The following TFDP2 variants were observed in gnomAD, a reference collection of about 807,000 sequenced individuals.
TFDP2 encodes the protein transcription factor Dp-2 (E2F dimerization partner 2).
A neutral mutation model predicts 59.3 loss-of-function variants in TFDP2; 17 were observed. The ratio of observed to expected loss-of-function variants is 0.29; its 90% CI spans 0.20 to 0.43. The LOEUF (loss-of-function observed/expected upper bound fraction) is 0.43, where lower values mean the gene tolerates loss of function less well. TFDP2 is among the 20% of genes least tolerant of loss of function. TFDP2 has a pLI of 1.00. For synonymous variants in TFDP2, 180 were observed against 194.7 expected (o/e 0.92, Z 0.63); for missense variants, 391 against 528.8 (o/e 0.74, Z 2.56).
intron 7 of TFDP2, among the ~76,000 whole-genome samples, chr3:141,975,555 G>A (rs954956542): frequency 5.3e-5 from 8 of 152,078 alleles, no homozygotes; most frequent in Admixed American, 2.0e-4. Flanking sequence ...TTAACTGGGC[G>A]TGGTGGCGCA....
At chr3:141,952,768 A>T (rs1244663837) in intron 12 of TFDP2, 72 bp from the exon 13 acceptor site, 1 of 1,592,180 alleles carries the variant, frequency 6.3e-7, no homozygotes, top group Non-Finnish European at 8.6e-7. Flanking sequence ...AGGAATAAAA[A>T]CAGGAAGGAG....
At chr3:142,093,914 AC>A in intron 2 of TFDP2, 1 of 500,138 alleles carries the variant, frequency 2.0e-6, no homozygotes, top group Non-Finnish European at 4.0e-6. Context: ...AGCATATAGC[AC>A]AGGATTTGGC....
At chr3:141,973,123 A>ATATATATTTT in intron 8 of TFDP2, among the ~76,000 whole-genome samples, 23 of 58,012 alleles carry the variant, frequency 4.0e-4, no homozygotes, top group African/African-American at 1.5e-3. Context: ...ATATATATAT[A>ATATATATTTT]TTTTTTTTTT....
intron 3 of TFDP2, among the ~76,000 whole-genome samples, chr3:142,034,635 T>A (rs945137844): frequency 6.6e-6 from 1 of 152,114 alleles, no homozygotes; most frequent in African/African-American, 2.4e-5. Context: ...TGTGTGCTTA[T>A]GCTCCATAGC....
At chr3:142,094,041 T>G (rs2061084706) in intron 2 of TFDP2, 1 of 445,846 alleles carries the variant, frequency 2.2e-6, no homozygotes. Flanking sequence ...TAAGGTAATA[T>G]CCACTACACT....
intron 3 of TFDP2, chr3:142,028,815 G>C: frequency 1.5e-6 from 1 of 648,094 alleles, no homozygotes; most frequent in Non-Finnish European, 1.9e-6. Context: ...AAATTGAAAA[G>C]TGCAGGTCTT....
intron 1 of TFDP2, among the ~76,000 whole-genome samples, chr3:142,139,967 A>G (rs1162104360): frequency 2.0e-5 from 3 of 152,212 alleles, no homozygotes; most frequent in Admixed American, 2.0e-4. Context: ...GTGTTTTCCA[A>G]CTTGGTTCCA....
At chr3:141,969,246 TAA>T (rs1227611294) in intron 9 of TFDP2, among the ~76,000 whole-genome samples, 2 of 107,330 alleles carry the variant, frequency 1.9e-5, no homozygotes, top group Admixed American at 2.2e-4. Flanking sequence ...TATATATATA[TAA>T]CATATATATA....
At chr3:141,959,400 C>A (rs1345325704) in intron 11 of TFDP2, among the ~76,000 whole-genome samples, 1 of 152,162 alleles carries the variant, frequency 6.6e-6, no homozygotes, top group Non-Finnish European at 1.5e-5. Context: ...CTGGGAATTA[C>A]AAGATCTCTC....
chr3:142,118,374 A>G (rs1312701273), intron 1 of TFDP2, among the ~76,000 whole-genome samples: 1 of 152,204 alleles, frequency 6.6e-6, no homozygotes, highest in Non-Finnish European at 1.5e-5. Flanking sequence ...TCTGCTGATG[A>G]TTTTCTCCAT....
intron 4 of TFDP2, among the ~76,000 whole-genome samples, chr3:141,999,518 CAT>C (rs1466302939): frequency 1.3e-5 from 2 of 152,226 alleles, no homozygotes; most frequent in African/African-American, 2.4e-5. Context: ...AGATCTATAA[CAT>C]ATAACCATAA....
intron 3 of TFDP2, among the ~76,000 whole-genome samples, chr3:142,011,602 GA>G (rs548076797): frequency 0.07 from 4,479 of 64,112 alleles, 214 homozygotes; most frequent in African/African-American, 0.18. Flanking sequence ...AAAAAAAAAA[GA>G]AAAAAAAAAA....
At chr3:141,974,911 T>TC (rs1489107708) in intron 7 of TFDP2, among the ~76,000 whole-genome samples, 1 of 137,618 alleles carries the variant, frequency 7.3e-6, no homozygotes, top group East Asian at 2.0e-4. Flanking sequence ...CTTCTTCTTT[T>TC]TTTTTTTTTT....
chr3:142,044,307 C>G (rs1376617455), intron 3 of TFDP2: 1 of 212,370 alleles, frequency 4.7e-6, no homozygotes, highest in African/African-American at 2.5e-5. Context: ...GATCTTGGCT[C>G]ACTGCAACCT....
At chr3:141,971,755 C>T (rs111545530) in intron 8 of TFDP2, among the ~76,000 whole-genome samples, 1 of 152,240 alleles carries the variant, frequency 6.6e-6, no homozygotes, top group African/African-American at 2.4e-5. Context: ...ATAAGAGAGT[C>T]TTCTCTATTT....
At chr3:141,968,256 T>G (rs1938452410) in intron 9 of TFDP2, among the ~76,000 whole-genome samples, 1 of 137,968 alleles carries the variant, frequency 7.2e-6, no homozygotes, top group South Asian at 2.1e-4. Context: ...ATATATTATA[T>G]ATTATATATA....
At chr3:142,145,393 G>C (rs1367311223) in intron 1 of TFDP2, 1 of 152,148 alleles carries the variant, frequency 6.6e-6, no homozygotes, top group African/African-American at 2.4e-5. Context: ...TGTAATTTTA[G>C]ACATGATTCT....
rs1223121619 is a variant in TFDP2, at chr3:141,945,870, G to A, written c.*6643C>T. On this transcript the variant is annotated 3_prime_UTR_variant, in exon 13 of 13. Coordinates refer to ENST00000489671, the MANE Select transcript of TFDP2 (RefSeq NM_001178139.2). Reference sequence around the variant, plus strand: ...ACAGACATGGGCAGCACCAGCTGGTGTGGTGTGGAAGGACCAGTTGGTCAC... The same window carrying A: ...ACAGACATGGGCAGCACCAGCTGGTATGGTGTGGAAGGACCAGTTGGTCAC... 1.3e-5 allele frequency: 2 copies of A among 152,266 alleles called. No homozygotes were observed. Among genetic ancestry groups the A allele is most frequent in the Non-Finnish European group, 2.9e-5 (2 of 68,068 alleles). The allele number at this position is 152,266 out of a possible 1,614,324, so 9.4% of individuals were successfully genotyped here.
At chr3:142,071,037 C>G (rs2060229049) in intron 3 of TFDP2, among the ~76,000 whole-genome samples, 1 of 151,942 alleles carries the variant, frequency 6.6e-6, no homozygotes, top group Admixed American at 6.6e-5. Flanking sequence ...CAGAGAGGAG[C>G]ATATAGAAAG....
Sources: gnomAD v4.1 joint callset for allele counts (sites outside exome capture counted in the v4.1 genomes callset) on GRCh38, gnomAD v4.1.1 for gene constraint, MANE v1.5 for transcripts, NCBI Gene and HGNC (gene_info 2026-07-23, HGNC 2026-07-21) for gene names.